TCF7L1: variants seen among roughly 807,000 people sequenced by gnomAD.
TCF7L1 encodes transcription factor 7-like 1.
Under a neutral mutation model 63.7 loss-of-function variants are expected in TCF7L1, and 18 were observed. That is an observed-to-expected ratio of 0.28 (90% CI 0.20 to 0.42). The LOEUF (loss-of-function observed/expected upper bound fraction) is 0.42, where lower values mean the gene tolerates loss of function less well. Ranked by LOEUF, TCF7L1 falls within the 10% of genes least tolerant of loss-of-function variation. The pLI is 1.00. For missense variants in TCF7L1, 654 were observed against 779.3 expected, an observed-to-expected ratio of 0.84 and a Z score of 1.91; for synonymous variants, 355 against 340.9, an observed-to-expected ratio of 1.04 and a Z score of -0.46.
chr2:85,240,568 T>C (rs1288924538), intron 3 of TCF7L1, among the ~76,000 whole-genome samples: 1 of 151,500 alleles, frequency 6.6e-6, no homozygotes, highest in Non-Finnish European at 1.5e-5. Context: ...GGTCAGGAGT[T>C]TAAGACCAGG....
chr2:85,237,720 G>C (rs1680225962), intron 3 of TCF7L1, among the ~76,000 whole-genome samples: 1 of 148,512 alleles, frequency 6.7e-6, no homozygotes, highest in East Asian at 2.0e-4. Context: ...TGGGGTTGGG[G>C]GGTGGGTTGC....
intron 4 of TCF7L1, among the ~76,000 whole-genome samples, chr2:85,285,914 G>A (rs1452129208): frequency 2.6e-5 from 4 of 152,136 alleles, no homozygotes; most frequent in African/African-American, 7.2e-5. Context: ...ACATGAGGCC[G>A]GGCGTGGTGG....
chr2:85,143,380 C>T (rs1677791517), intron 3 of TCF7L1, among the ~76,000 whole-genome samples: 1 of 152,148 alleles, frequency 6.6e-6, no homozygotes, highest in Admixed American at 6.5e-5. Context: ...CTGAATAAGC[C>T]TCTTCAATGC....
intron 3 of TCF7L1, among the ~76,000 whole-genome samples, chr2:85,218,491 A>T (rs1679761635): frequency 6.6e-6 from 1 of 152,172 alleles, no homozygotes; most frequent in Non-Finnish European, 1.5e-5. Context: ...CCTAGGTTCA[A>T]GGGATTTGCC....
At chr2:85,295,836 G>A (rs1364741464) in intron 4 of TCF7L1, among the ~76,000 whole-genome samples, 3 of 142,382 alleles carry the variant, frequency 2.1e-5, no homozygotes, top group African/African-American at 8.1e-5. Flanking sequence ...GGAGTGCAGC[G>A]GCACGATCTC....
chr2:85,271,924 A>G (rs1012398606), intron 3 of TCF7L1, among the ~76,000 whole-genome samples: 3 of 152,324 alleles, frequency 2.0e-5, no homozygotes, highest in East Asian at 1.9e-4. Flanking sequence ...TGATGACTCA[A>G]TGGAGAGAGG....
At chr2:85,143,724 C>T (rs986316731) in intron 3 of TCF7L1, among the ~76,000 whole-genome samples, 1 of 152,212 alleles carries the variant, frequency 6.6e-6, no homozygotes, top group Non-Finnish European at 1.5e-5. Context: ...CTCCTCCTCT[C>T]CAGAGAAGGG....
chr2:85,144,044 T>C (rs1677807707), intron 3 of TCF7L1, among the ~76,000 whole-genome samples: 1 of 152,228 alleles, frequency 6.6e-6, no homozygotes, highest in African/African-American at 2.4e-5. Context: ...GTTGGAAGAA[T>C]ACGCAAACGA....
At chr2:85,147,308 A>T (rs998440202) in intron 3 of TCF7L1, among the ~76,000 whole-genome samples, 2 of 151,976 alleles carry the variant, frequency 1.3e-5, no homozygotes, top group African/African-American at 4.8e-5. Flanking sequence ...CGGGTAGCAA[A>T]ATACTCTCAC....
In TCF7L1 at chr2:85,278,588, G is replaced by A. The variant is rs74935623; in HGVS notation, c.442-4907G>A. Among the ~76,000 whole-genome samples the A allele has an allele frequency of 3.9e-3, 588 of 152,278 alleles. 25 individuals are homozygous for A. The East Asian group carries it at 0.095, about 25-fold the overall frequency. ...CCACATGACCATTTTGGTAAATGCC[G>A]AGAGAAAAATGCAACAACTGCTCCA... On this transcript the variant is annotated intron_variant, in intron 3 of 11. Transcript: ENST00000282111.
intron 3 of TCF7L1, among the ~76,000 whole-genome samples, chr2:85,154,386 T>C (rs1678092981): frequency 1.3e-5 from 2 of 152,218 alleles, no homozygotes; most frequent in Admixed American, 6.5e-5. Context: ...ATCCTTGGGA[T>C]GTTATTAGGT....
At chr2:85,266,057 G>A (rs1461397826) in intron 3 of TCF7L1, among the ~76,000 whole-genome samples, 1 of 152,018 alleles carries the variant, frequency 6.6e-6, no homozygotes, top group Non-Finnish European at 1.5e-5. Context: ...TTACACAGGT[G>A]GAAATACATG....
chr2:85,134,521 C>A lies in TCF7L1; in HGVS notation c.441+71C>A. On this transcript the variant is annotated intron_variant, in intron 3 of 11. Coordinates refer to ENST00000282111, the MANE Select transcript of TCF7L1 (RefSeq NM_031283.3). The surrounding 1 kb of genome is among the most constrained non-coding windows in gnomAD (Gnocchi z 5.0). ...CGCAGGATGCGCCCCCGGGCTTGGCCATGGAGTGGGGGATGGGGCCTTCTG... is the reference window on the plus strand; with the variant it reads ...CGCAGGATGCGCCCCCGGGCTTGGCAATGGAGTGGGGGATGGGGCCTTCTG... 6.6e-7 allele frequency: 1 copy of A among 1,524,280 alleles called. No homozygotes were observed. Among genetic ancestry groups the A allele is most frequent in the Non-Finnish European group, 8.8e-7 (1 of 1,135,176 alleles). The allele number at this position is 1,524,280 out of a possible 1,614,324, so 94.4% of individuals were successfully genotyped here.
At chr2:85,198,463 G>C (rs991140960) in intron 3 of TCF7L1, among the ~76,000 whole-genome samples, 10 of 152,162 alleles carry the variant, frequency 6.6e-5, no homozygotes, top group African/African-American at 2.2e-4. Flanking sequence ...AGTGTCCTCT[G>C]TTCTGAGCAT....
chr2:85,136,050 T>TG (rs757892231), intron 3 of TCF7L1, among the ~76,000 whole-genome samples: 78 of 152,196 alleles, frequency 5.1e-4, no homozygotes, highest in Non-Finnish European at 8.7e-4. Context: ...ACTTTGCGTA[T>TG]GGGGGAGAGT....
At chr2:85,242,837 A>G (rs1450628718) in intron 3 of TCF7L1, among the ~76,000 whole-genome samples, 2 of 152,086 alleles carry the variant, frequency 1.3e-5, no homozygotes, top group African/African-American at 4.8e-5. Context: ...CTGCCTCCCT[A>G]TTGAAGCAGA....
At chr2:85,186,541 T>A (rs1257703984) in intron 3 of TCF7L1, 1 of 152,238 alleles carries the variant, frequency 6.6e-6, no homozygotes, top group Non-Finnish European at 1.5e-5. Flanking sequence ...TGGTCACCAT[T>A]ACCATATGGC....
At position 85,306,391 on chromosome 2, in the gene TCF7L1, C is replaced by A. The variant is rs763337029; in HGVS notation, c.1149+26C>A. The A allele has an allele frequency of 6.2e-7, 1 of 1,613,124 alleles. No homozygotes were observed. The highest frequency in any genetic ancestry group is 1.1e-5 in the South Asian group (1 of 91,070). On this transcript the variant is annotated intron_variant, in intron 9 of 11. Coordinates refer to ENST00000282111, the MANE Select transcript of TCF7L1 (RefSeq NM_031283.3). This position sits in a 1 kb window ranked among gnomAD's most constrained non-coding sequence, Gnocchi z 4.3. ...GTAAGACCTGCCCTCTCCCTCCAGG[C>A]CAGGGAGGCAGCGTCCCTGCATTGA...
At chr2:85,150,586 C>CTTT in intron 3 of TCF7L1, among the ~76,000 whole-genome samples, 1 of 140,432 alleles carries the variant, frequency 7.1e-6, no homozygotes, top group Admixed American at 7.2e-5. Context: ...AGAACCTTGA[C>CTTT]TTTTTTTTTT....
Sources: allele counts gnomAD v4.1 joint callset (sites outside exome capture counted in the v4.1 genomes callset), GRCh38; gene constraint gnomAD v4.1.1; non-coding constraint Gnocchi (gnomAD v3.1); transcripts MANE v1.5; gene names NCBI Gene and HGNC (gene_info 2026-07-23, HGNC 2026-07-21).